TRPM1: variants seen among roughly 807,000 people sequenced by gnomAD.
The protein encoded by TRPM1 is transient receptor potential cation channel subfamily M member 1.
Under a neutral mutation model 149.4 loss-of-function variants are expected in TRPM1, and 113 were observed. The ratio of observed to expected loss-of-function variants is 0.76; its 90% CI spans 0.65 to 0.88. TRPM1 has a LOEUF of 0.88. TRPM1 is among the 40% of genes least tolerant of loss of function. The pLI is 0.00. For synonymous variants in TRPM1, 741 were observed against 759.5 expected (o/e 0.98, Z 0.40); for missense variants, 1,976 against 2,038.7 (o/e 0.97, Z 0.59).
At chr15:31,095,483 G>A (rs564035307) in intron 1 of TRPM1, among the ~76,000 whole-genome samples, 51 of 151,952 alleles carry the variant, frequency 3.4e-4, no homozygotes, top group Non-Finnish European at 6.5e-4. Context: ...TCAGGAGTTC[G>A]AGACCAGCCT....
chr15:31,134,205 T>A (rs2036058203), intron 1 of TRPM1, among the ~76,000 whole-genome samples: 1 of 152,198 alleles, frequency 6.6e-6, no homozygotes, highest in Admixed American at 6.5e-5. Flanking sequence ...ATGAAGGGAT[T>A]GGACTGCTTC....
chr15:31,091,358 T>G (rs2035233033), intron 1 of TRPM1, among the ~76,000 whole-genome samples: 1 of 152,260 alleles, frequency 6.6e-6, no homozygotes, highest in South Asian at 2.1e-4. Context: ...GTGGACGATG[T>G]CACTATCCAT....
chr15:31,127,352 G>A (rs2035964337), intron 1 of TRPM1, among the ~76,000 whole-genome samples: 1 of 152,232 alleles, frequency 6.6e-6, no homozygotes, highest in African/African-American at 2.4e-5. Flanking sequence ...GGGGCAGGTG[G>A]CCTTTAGTTT....
intron 1 of TRPM1, among the ~76,000 whole-genome samples, chr15:31,096,442 G>A (rs556607513): frequency 2.3e-4 from 35 of 152,278 alleles, no homozygotes; most frequent in Middle Eastern, 6.8e-3. Flanking sequence ...TCCCATCACC[G>A]GGTCTACCCT....
chr15:31,047,365 A>C, intron 14 of TRPM1, 114 bp from the exon 15 acceptor site: 2 of 1,159,802 alleles, frequency 1.7e-6, no homozygotes, highest in African/African-American at 3.1e-5. Context: ...TTCATGTAAC[A>C]GGTGGGTGGG....
chr15:31,056,887 A>T (rs890206694), intron 11 of TRPM1, among the ~76,000 whole-genome samples: 1 of 152,220 alleles, frequency 6.6e-6, no homozygotes, highest in Non-Finnish European at 1.5e-5. Flanking sequence ...TCCTTTCTTT[A>T]TCAGTTACCC....
chr15:31,109,404 T>G (rs192692180), intron 1 of TRPM1, among the ~76,000 whole-genome samples: 135 of 70,446 alleles, frequency 1.9e-3, no homozygotes, highest in Non-Finnish European at 3.2e-3. Context: ...AAAGAAAAAA[T>G]AGAAAGAAGA....
At chr15:31,147,898 C>A (rs190595434) in intron 1 of TRPM1, among the ~76,000 whole-genome samples, 21 of 152,224 alleles carry the variant, frequency 1.4e-4, no homozygotes, top group Non-Finnish European at 2.6e-4. Flanking sequence ...GCCTGCCAAT[C>A]ATGGTGGCTT....
chr15:31,145,373 GC>G (rs746066079), intron 1 of TRPM1, among the ~76,000 whole-genome samples: 14 of 152,042 alleles, frequency 9.2e-5, no homozygotes, highest in Non-Finnish European at 1.8e-4. Context: ...TTTTACTTAT[GC>G]CTGCCTCTTT....
chr15:31,113,779 T>A (rs1047024409), intron 1 of TRPM1, among the ~76,000 whole-genome samples: 1 of 152,214 alleles, frequency 6.6e-6, no homozygotes, highest in Non-Finnish European at 1.5e-5. Context: ...GTTACAGCTC[T>A]TAAAGGTGGC....
chr15:31,113,488 C>T (rs781334780), intron 1 of TRPM1, among the ~76,000 whole-genome samples: 14 of 151,620 alleles, frequency 9.2e-5, no homozygotes, highest in Non-Finnish European at 1.2e-4. Flanking sequence ...CAAACAATAT[C>T]TTAAAGACAG....
intron 1 of TRPM1, among the ~76,000 whole-genome samples, chr15:31,156,868 G>T (rs1286260397): frequency 6.6e-6 from 1 of 151,690 alleles, no homozygotes; most frequent in Non-Finnish European, 1.5e-5. Flanking sequence ...TTGAAGAGAT[G>T]TATGTATTTA....
At chr15:31,128,280 G>T (rs141702233) in intron 1 of TRPM1, among the ~76,000 whole-genome samples, 2 of 152,144 alleles carry the variant, frequency 1.3e-5, no homozygotes. Context: ...GGGTGAGAAC[G>T]CCATCCCCCT....
At chr15:31,121,222 T>TAAA (rs1207382229) in intron 1 of TRPM1, among the ~76,000 whole-genome samples, 1 of 32,488 alleles carries the variant, frequency 3.1e-5, no homozygotes, top group Non-Finnish European at 5.4e-5. Context: ...AGACTCCATC[T>TAAA]CAAAAAAAAA....
intron 1 of TRPM1, among the ~76,000 whole-genome samples, chr15:31,118,765 C>T (rs1260171882): frequency 6.6e-6 from 1 of 152,116 alleles, no homozygotes; most frequent in Non-Finnish European, 1.5e-5. Flanking sequence ...AGCAAGCTAG[C>T]TGGATCTCCG....
At chr15:31,086,489 A>G (rs1036309482) in intron 1 of TRPM1, among the ~76,000 whole-genome samples, 3 of 152,204 alleles carry the variant, frequency 2.0e-5, no homozygotes, top group South Asian at 4.1e-4. Flanking sequence ...GCTTTTTGGC[A>G]TCATGCTCTT....
chr15:31,155,036 C>A (rs2036349458), intron 1 of TRPM1, among the ~76,000 whole-genome samples: 1 of 152,208 alleles, frequency 6.6e-6, no homozygotes, highest in South Asian at 2.1e-4. Flanking sequence ...TCCCCTGTCT[C>A]CATGAATTGG....
At chr15:31,027,542 T>C (rs1274867962) in intron 25 of TRPM1, among the ~76,000 whole-genome samples, 1 of 152,210 alleles carries the variant, frequency 6.6e-6, no homozygotes, top group Non-Finnish European at 1.5e-5. Context: ...AGGTTCGTTA[T>C]TTTGGACATG....
rs756797592 is a variant in TRPM1 at position 31,066,133 on chromosome 15, C to T, written c.733G>A (p.Glu245Lys). The T allele has an allele frequency of 8.1e-6, 13 of 1,614,194 alleles. No homozygotes were observed. Among genetic ancestry groups the T allele is most frequent in the Admixed American group, 1.7e-5 (1 of 60,028 alleles). The stretch of plus-strand genomic sequence containing the variant: ...TCCAGCAGCCTTCGCAGCTTCACCT[C>T]GGCGCCATACTTGCCCAGGGTGCCA... ...DNGTLGKYGA[E>K]VKLRRLLEKH... The change falls in exon 7 of 28, where the codon GAG becomes AAG. Residue 245 changes from glutamate to lysine, a missense_variant. Glu to Lys is a moderately conservative substitution (Grantham distance 56, BLOSUM62 1). Coordinates refer to ENST00000256552, the MANE Select transcript of TRPM1 (RefSeq NM_001252024.2).
Sources: gnomAD v4.1 joint callset for allele counts (sites outside exome capture counted in the v4.1 genomes callset) on GRCh38, gnomAD v4.1.1 for gene constraint, MANE v1.5 for transcripts, NCBI Gene and HGNC (gene_info 2026-07-23, HGNC 2026-07-21) for gene names.